The following TBATA variants were observed in gnomAD, a reference collection of about 807,000 sequenced individuals.
TBATA encodes protein TBATA.
Under a neutral mutation model 38.7 loss-of-function variants are expected in TBATA, and 47 were observed. The observed-to-expected ratio is 1.21, with a 90% CI of 0.96 to 1.55. The LOEUF (loss-of-function observed/expected upper bound fraction) is 1.55. Among genes scored for constraint, TBATA ranks in the 40% most tolerant of loss-of-function variants. The probability of loss-of-function intolerance (pLI) is 0.00; values close to 1 mark genes in which losing one functional copy is unlikely to be tolerated. For synonymous variants in TBATA, 183 were observed against 170.5 expected (o/e 1.07, Z -0.57); for missense variants, 436 against 435.6 (o/e 1.00, Z -0.01).
intron 7 of TBATA, among the ~76,000 whole-genome samples, chr10:70,776,897 G>T (rs1474699263): frequency 6.6e-6 from 1 of 152,230 alleles, no homozygotes; most frequent in African/African-American, 2.4e-5. Context: ...CAGCTGGAAG[G>T]GACCCTCGAC....
intron 7 of TBATA, among the ~76,000 whole-genome samples, chr10:70,776,107 C>T (rs189359993): frequency 6.6e-6 from 1 of 152,258 alleles, no homozygotes; most frequent in East Asian, 1.9e-4. Context: ...GAAAGTGAGG[C>T]CCCCTCAGCT....
At chr10:70,776,175 C>A (rs1843370430) in intron 7 of TBATA, among the ~76,000 whole-genome samples, 1 of 152,196 alleles carries the variant, frequency 6.6e-6, no homozygotes, top group Non-Finnish European at 1.5e-5. Flanking sequence ...GCAGGTCGGC[C>A]TCATCCTCAG....
chr10:70,771,424 T>C lies in TBATA; in HGVS notation c.1011A>G (p.Ser337=). Residue 337 remains serine, a synonymous_variant, in exon 11 of 11, where the codon TCA becomes TCG. Transcript: ENST00000456372. The stretch of plus-strand genomic sequence containing the variant: ...ATGTCTTCTTCTCTGTGTTCTGGCT[T>C]GAATGCATCTGGAGGACTTGAGCTT... ...IGEAQVLQMH[S]SQNTEKKTSK... is the part of the protein sequence containing the mutation. 3 of 1,614,124 alleles carry C rather than the reference T, an allele frequency of 1.9e-6. No homozygotes were observed. Among genetic ancestry groups the C allele is most frequent in the Middle Eastern group, 3.3e-4 (2 of 6,062 alleles).
chr10:70,773,012 C>A (rs1404967972), intron 9 of TBATA, among the ~76,000 whole-genome samples: 3 of 152,138 alleles, frequency 2.0e-5, no homozygotes, highest in African/African-American at 7.2e-5. Flanking sequence ...TTTACATCTC[C>A]CCATGCCTTT....
At position 70,775,066 on chromosome 10, in the gene TBATA, G is replaced by A. The variant is rs575905595; in HGVS notation, c.775+123C>T. ...TTTGGGGCTCCAAAGTGGAGGAGAG[G>A]CCTCCATGGAAGGCCCCCTCCAGGG... On this transcript the variant is annotated intron_variant, in intron 8 of 10. Coordinates refer to ENST00000456372, the MANE Select transcript of TBATA (RefSeq NM_001318241.2). The A allele has an allele frequency of 1.3e-4, 109 of 814,256 alleles. No individual in the cohort carries two copies. In the South Asian group the frequency reaches 1.9e-3, roughly 14 times the overall value. 50.4% of individuals were successfully genotyped at this position (814,256 alleles called of 1,614,324 possible).
At chr10:70,775,882 G>A (rs1262497707) in intron 7 of TBATA, among the ~76,000 whole-genome samples, 1 of 152,236 alleles carries the variant, frequency 6.6e-6, no homozygotes, top group African/African-American at 2.4e-5. Flanking sequence ...CTGTGGGCAT[G>A]CTTGGCTCCT....
Position 70,779,650 on chromosome 10 carries a change from T to G in TBATA, c.370A>C (p.Thr124Pro). ...VFSGCQMGIP[T>P]ISVPIGDPQS... is the part of the protein sequence containing the mutation. ...GGGTCTCCAATGGGGACAGAGATGG[T>G]GGGTATCCCCATTTGACAGCCGGAA... The change falls in exon 5 of 11, where the codon ACC (threonine) becomes CCC (proline). Residue 124 changes from threonine to proline, a missense_variant. Coordinates refer to ENST00000456372, the MANE Select transcript of TBATA (RefSeq NM_001318241.2). 6.5e-7 allele frequency: 1 copy of G among 1,531,612 alleles called. No individual in the cohort carries two copies. Among genetic ancestry groups the G allele is most frequent in the African/African-American group, 1.5e-5 (1 of 68,844 alleles). 94.9% of individuals were successfully genotyped at this position (1,531,612 alleles called of 1,614,324 possible).
intron 6 of TBATA, 83 bp downstream of exon 6, chr10:70,778,474 G>A: frequency 7.2e-7 from 1 of 1,389,328 alleles, no homozygotes; most frequent in South Asian, 1.2e-5. Context: ...CTGGTAGGCT[G>A]AACTGACTCG....
At chr10:70,772,482 T>C (rs2253801) in intron 10 of TBATA, 32 bp downstream of exon 10, 694,254 of 1,608,872 alleles carry the variant, frequency 0.43, 151,276 homozygotes, top group Admixed American at 0.56. Flanking sequence ...CCTTGGTGAG[T>C]CCCCCAAATG....
At position 70,779,717 on chromosome 10, in the gene TBATA, G is replaced by C. The variant is rs752781993; in HGVS notation, c.303C>G (p.Val101=). ...GCAAGGGGGCTGGAAAATCCCTGAC[G>C]ACACAGACAGGCTTCCCGGTGAGAT... ...IQDLTGKPVC[V]VRDFPAPLPE... Residue 101 remains valine, a synonymous_variant, in exon 5 of 11, where the codon GTC becomes GTG. Transcript: ENST00000456372. The C allele has an allele frequency of 1.3e-6, 2 of 1,537,192 alleles. No homozygotes were observed. The highest frequency in any genetic ancestry group is 1.3e-5 in the South Asian group (1 of 78,888).
intron 10 of TBATA, 98 bp from the exon 11 acceptor site, chr10:70,771,559 G>C (rs1842796033): frequency 8.7e-7 from 1 of 1,152,198 alleles, no homozygotes; most frequent in African/African-American, 1.5e-5. Flanking sequence ...GGGAAGGTCT[G>C]AGTCAAGCCC....
chr10:70,775,263 T>C lies in TBATA; in HGVS notation c.701A>G (p.Glu234Gly), dbSNP rs1843248367. 1 of 1,613,874 alleles carries C rather than the reference T, an allele frequency of 6.2e-7. No homozygotes were observed. Residue 234 changes from glutamate (E) to glycine (G), a missense_variant, in exon 8 of 11, where the codon GAG becomes GGG. Transcript: ENST00000456372. Reference protein sequence around the residue: ...LLQDQELLVLELLCRILETDL... With the variant: ...LLQDQELLVLGLLCRILETDL... ...TGTTTCCAGGATCCGACACAGGAGC[T>C]CCAGGACCTGTGGGCAGGAGGCCAG...
intron 3 of TBATA, 77 bp downstream of exon 3, chr10:70,783,262 C>G (rs962746097): frequency 6.4e-7 from 1 of 1,554,792 alleles, no homozygotes; most frequent in South Asian, 1.1e-5. Context: ...TTGAGATCCC[C>G]CAAGGCCACC....
At chr10:70,779,550 G>A (rs1372659824) in intron 5 of TBATA, 43 bp downstream of exon 5, 4 of 1,443,538 alleles carry the variant, frequency 2.8e-6, no homozygotes, top group Admixed American at 2.9e-5. Context: ...TTGGGGAGAG[G>A]CATGAGCCCC....
chr10:70,777,504 AC>A (rs66827681), intron 6 of TBATA, among the ~76,000 whole-genome samples, 166 bp from the exon 7 acceptor site: 51,030 of 151,086 alleles, frequency 0.34, 8,648 homozygotes, highest in African/African-American at 0.36. Context: ...CAGCTCTGCC[AC>A]CCCCCCAACC....
At position 70,774,313 on chromosome 10, in the gene TBATA, G is replaced by T; in HGVS notation, c.820C>A (p.Leu274Ile). Residue 274 changes from leucine to isoleucine, a missense_variant, in exon 9 of 11, where the codon CTC becomes ATC. Coordinates refer to ENST00000456372, the MANE Select transcript of TBATA (RefSeq NM_001318241.2). ...ATGGAGACTAGGGGCTGGGGAAGGAGCTGAGCCACTGCTGTCTGCAGGAGT... is the reference window on the plus strand; with the variant it reads ...ATGGAGACTAGGGGCTGGGGAAGGATCTGAGCCACTGCTGTCTGCAGGAGT... The part of the protein sequence containing the change: ...LGLLQTAVAQ[L>I]LPQPLVSIPT... 1 of 1,606,952 alleles carries T rather than the reference G, an allele frequency of 6.2e-7. No homozygotes were observed. Among genetic ancestry groups the T allele is most frequent in the Non-Finnish European group, 8.5e-7 (1 of 1,177,408 alleles).
chr10:70,774,742 TC>T (rs1307198877), intron 8 of TBATA, among the ~76,000 whole-genome samples: 1 of 152,096 alleles, frequency 6.6e-6, no homozygotes, highest in Admixed American at 6.5e-5. Context: ...ACCCTTCTAC[TC>T]AGATGCACCC....
chr10:70,772,089 G>T, intron 10 of TBATA: 1 of 380,806 alleles, frequency 2.6e-6, no homozygotes, highest in South Asian at 2.1e-5. Flanking sequence ...GAGCTTTGCT[G>T]GTTGGCTCTT....
chr10:70,783,700 T>C (rs13376912), intron 2 of TBATA, among the ~76,000 whole-genome samples, 175 bp from the exon 3 acceptor site: 8,328 of 152,252 alleles, frequency 0.055, 314 homozygotes, highest in East Asian at 0.12. Context: ...GCAACCCAAA[T>C]GTCTGATGGC....
Sources: gnomAD v4.1 joint callset for allele counts (sites outside exome capture counted in the v4.1 genomes callset) on GRCh38, gnomAD v4.1.1 for gene constraint, MANE v1.5 for transcripts, NCBI Gene and HGNC (gene_info 2026-07-23, HGNC 2026-07-21) for gene names.